Variants in GLYATL2 observed in about 807,000 individuals in gnomAD.
GLYATL2 encodes glycine N-acyltransferase-like protein 2.
GLYATL2 carries 25 observed loss-of-function variants against 21.4 expected under a neutral mutation model. That is an observed-to-expected ratio of 1.17 (90% CI 0.85 to 1.63). The LOEUF (loss-of-function observed/expected upper bound fraction) is 1.63, where lower values mean the gene tolerates loss of function less well. GLYATL2 is among the 40% of genes most tolerant of loss of function. The probability of loss-of-function intolerance (pLI) is 0.00; values close to 1 mark genes in which losing one functional copy is unlikely to be tolerated. For missense variants in GLYATL2, 361 were observed against 343.3 expected, an observed-to-expected ratio of 1.05 and a Z score of -0.41; for synonymous variants, 114 against 118.2, an observed-to-expected ratio of 0.96 and a Z score of 0.23.
chr11:58,876,913 T>G (rs1401143382), intron 1 of GLYATL2, among the ~76,000 whole-genome samples: 1 of 152,274 alleles, frequency 6.6e-6, no homozygotes, highest in East Asian at 1.9e-4. Context: ...CAGGCAGGCC[T>G]CCTTGAGCTG....
At chr11:58,864,283 G>T (rs1463810789) in intron 1 of GLYATL2, among the ~76,000 whole-genome samples, 1 of 152,124 alleles carries the variant, frequency 6.6e-6, no homozygotes, top group Non-Finnish European at 1.5e-5. Context: ...GATTCTGGGA[G>T]CAGTCTGGAG....
chr11:58,850,438 T>C (rs1288622309), intron 1 of GLYATL2, among the ~76,000 whole-genome samples: 2 of 152,134 alleles, frequency 1.3e-5, no homozygotes, highest in Non-Finnish European at 2.9e-5. Context: ...TGATTATATA[T>C]GAATATCATT....
chr11:58,901,763 T>C (rs549992015), intron 1 of GLYATL2, among the ~76,000 whole-genome samples: 2 of 152,240 alleles, frequency 1.3e-5, no homozygotes, highest in South Asian at 4.2e-4. Flanking sequence ...CCTACCTCAA[T>C]GGGTGACTGT....
intron 1 of GLYATL2, chr11:58,840,874 A>ATAAAATAAAG (rs1370914877): frequency 3.9e-4 from 59 of 150,356 alleles, no homozygotes; most frequent in Admixed American, 3.8e-3. Context: ...ATAAAATAAA[A>ATAAAATAAAG]TAAAATAAAA....
At position 58,838,318 on chromosome 11, in the gene GLYATL2, C is replaced by T. The variant is rs1187139632; in HGVS notation, c.129G>A (p.Glu43=). The T allele has an allele frequency of 9.3e-6, 15 of 1,613,450 alleles. No individual in the cohort carries two copies. The highest frequency in any genetic ancestry group is 1.2e-5 in the Non-Finnish European group (14 of 1,179,508). Residue 43 remains glutamate (E), a synonymous_variant, in exon 3 of 6, where the codon GAG becomes GAA. Coordinates refer to ENST00000287275, the MANE Select transcript of GLYATL2 (RefSeq NM_145016.4). ...NIKDKNPFNM[E]VLVDAWPDYQ... is the part of the protein sequence containing the mutation. ...AATCTGGCCAGGCATCTACCAGCAC[C>T]TCCATGTTGAAAGGGTTTTTATCTT...
chr11:58,868,531 T>A (rs1854058585), intron 1 of GLYATL2, among the ~76,000 whole-genome samples: 1 of 149,186 alleles, frequency 6.7e-6, no homozygotes, highest in African/African-American at 2.4e-5. Flanking sequence ...CAGCATCCAA[T>A]TCAGCTGTCT....
At chr11:58,883,724 A>G (rs1463089454) in intron 1 of GLYATL2, among the ~76,000 whole-genome samples, 1 of 152,242 alleles carries the variant, frequency 6.6e-6, no homozygotes, top group Non-Finnish European at 1.5e-5. Context: ...TTATGAGGAC[A>G]TCATCATCCT....
intron 1 of GLYATL2, among the ~76,000 whole-genome samples, chr11:58,870,037 G>C (rs912040814): frequency 6.6e-6 from 1 of 152,104 alleles, no homozygotes. Context: ...GAGCCTGAAA[G>C]GTCAAGGCTG....
Position 58,837,301 on chromosome 11 carries a change from T to A in GLYATL2, c.283A>T (p.Ile95Phe), listed in dbSNP as rs376958577. 3 of 1,613,862 alleles carry A rather than the reference T, an allele frequency of 1.9e-6. No individual in the cohort carries two copies. In the African/African-American group the frequency reaches 4.0e-5, roughly 22 times the overall value. The change falls in exon 4 of 6, where the codon ATC (isoleucine) becomes TTC (phenylalanine). Residue 95 changes from isoleucine to phenylalanine, a missense_variant. Ile to Phe is a conservative substitution (Grantham distance 21, BLOSUM62 0). Coordinates refer to ENST00000287275, the MANE Select transcript of GLYATL2 (RefSeq NM_145016.4). ...ATCTGCAAAGTTTGCTCCCAGCTGA[T>A]TACATTGGAGTATGACAGGACTTCC... ...LEEVLSYSNV[I>F]SWEQTLQIQG...
In GLYATL2 at chr11:58,834,553, A is replaced by G; in HGVS notation, c.761T>C (p.Ile254Thr). 1 of 1,613,694 alleles carries G rather than the reference A, an allele frequency of 6.2e-7. No individual in the cohort carries two copies. Reference protein sequence around the residue: ...HLEKYLSQKEIPFYFHVADNN... With the variant: ...HLEKYLSQKETPFYFHVADNN... ...ATCTGCCACATGGAAATAAAATGGG[A>G]TTTCTTTCTGAGAAAGATACTTTTC... Residue 254 changes from isoleucine (I) to threonine (T), a missense_variant, in exon 6 of 6, where the codon ATC becomes ACC. By Grantham distance (89) the Ile-to-Thr change is moderately conservative (BLOSUM62 -1). Transcript: ENST00000287275.
intron 1 of GLYATL2, among the ~76,000 whole-genome samples, chr11:58,895,611 A>C (rs913056317): frequency 1.3e-5 from 2 of 152,210 alleles, no homozygotes; most frequent in African/African-American, 4.8e-5. Flanking sequence ...AGGGGCCAGC[A>C]CTGCTGATAT....
upstream of GLYATL2, among the ~76,000 whole-genome samples, chr11:58,848,082 T>A (rs1853675310): frequency 6.7e-6 from 1 of 149,982 alleles, no homozygotes; most frequent in Admixed American, 6.6e-5. Flanking sequence ...TTCTCCCATA[T>A]CTTCTCCAAG....
intron 1 of GLYATL2, among the ~76,000 whole-genome samples, chr11:58,853,774 A>G (rs1203351251): frequency 3.9e-5 from 6 of 152,220 alleles, no homozygotes; most frequent in African/African-American, 1.4e-4. Context: ...GGCACAATAG[A>G]GCTAATTAAT....
chr11:58,839,475 G>T, intron 2 of GLYATL2, 60 bp downstream of exon 2: 3 of 1,023,968 alleles, frequency 2.9e-6, no homozygotes, highest in Non-Finnish European at 3.0e-6. Context: ...TATGAATCCT[G>T]AATCTGTCCT....
At chr11:58,850,388 A>G (rs564989709) in intron 1 of GLYATL2, among the ~76,000 whole-genome samples, 1 of 152,302 alleles carries the variant, frequency 6.6e-6, no homozygotes, top group East Asian at 1.9e-4. Flanking sequence ...TGATAAATAT[A>G]TAAAATAACA....
chr11:58,836,901 G>A (rs1448298575), intron 5 of GLYATL2, 114 bp downstream of exon 5: 4 of 885,072 alleles, frequency 4.5e-6, no homozygotes, highest in Non-Finnish European at 7.2e-6. Context: ...CTTTACCCAT[G>A]CAATTGTGTA....
intron 1 of GLYATL2, chr11:58,892,815 G>T (rs531058307): frequency 6.2e-6 from 2 of 320,574 alleles, no homozygotes; most frequent in Admixed American, 3.7e-5. Context: ...GATGAGATAG[G>T]CCACCCAGAT....
intron 1 of GLYATL2, among the ~76,000 whole-genome samples, chr11:58,879,562 G>C (rs1384229962): frequency 3.3e-5 from 5 of 152,092 alleles, no homozygotes; most frequent in Admixed American, 6.5e-5. Flanking sequence ...CAACATATGT[G>C]AAATAACCCA....
chr11:58,885,291 G>T (rs928530919), intron 1 of GLYATL2: 5 of 250,572 alleles, frequency 2.0e-5, no homozygotes, highest in Non-Finnish European at 4.0e-5. Context: ...CATCAGTATG[G>T]TCCTGGAGAT....
Sources: allele counts gnomAD v4.1 joint callset (sites outside exome capture counted in the v4.1 genomes callset), GRCh38; gene constraint gnomAD v4.1.1; transcripts MANE v1.5; gene names NCBI Gene and HGNC (gene_info 2026-07-23, HGNC 2026-07-21).